PPHLN1: variants seen among roughly 807,000 people sequenced by gnomAD.
PPHLN1 encodes periphilin 1.
A neutral mutation model predicts 51.3 loss-of-function variants in PPHLN1; 29 were observed. The observed-to-expected ratio is 0.57, with a 90% CI of 0.42 to 0.77. PPHLN1 has a LOEUF of 0.77. Ranked by LOEUF, PPHLN1 falls within the 30% of genes least tolerant of loss-of-function variation. PPHLN1 has a pLI of 0.00. For synonymous variants in PPHLN1, 147 were observed against 147.8 expected, an observed-to-expected ratio of 0.99 and a Z score of 0.04; for missense variants, 436 against 438.4, an observed-to-expected ratio of 0.99 and a Z score of 0.05.
intron 9 of PPHLN1, among the ~76,000 whole-genome samples, chr12:42,416,246 A>C (rs1565984385): frequency 1.3e-5 from 2 of 152,198 alleles, no homozygotes; most frequent in Non-Finnish European, 2.9e-5. Context: ...TATTGCATTG[A>C]ATTCACAGAG....
intron 8 of PPHLN1, among the ~76,000 whole-genome samples, chr12:42,397,543 G>A (rs1002547193): frequency 6.4e-4 from 83 of 130,064 alleles, no homozygotes; most frequent in African/African-American, 2.2e-3. Context: ...TTTACACATT[G>A]TGTATAGGCC....
chr12:42,419,491 C>T (rs979288944), intron 9 of PPHLN1, among the ~76,000 whole-genome samples: 4 of 152,338 alleles, frequency 2.6e-5, no homozygotes, highest in Admixed American at 1.3e-4. Flanking sequence ...GCCTCAGCTT[C>T]CCAGAGTGCT....
chr12:42,427,006 G>A (rs997379808), intron 9 of PPHLN1, among the ~76,000 whole-genome samples: 24 of 151,706 alleles, frequency 1.6e-4, no homozygotes, highest in African/African-American at 4.6e-4. Flanking sequence ...GGTGGATCTC[G>A]CGCCGTGCAG....
intron 9 of PPHLN1, among the ~76,000 whole-genome samples, chr12:42,412,036 C>T (rs1436666762): frequency 6.6e-6 from 1 of 151,888 alleles, no homozygotes; most frequent in African/African-American, 2.4e-5. Flanking sequence ...GAAACCCCGT[C>T]TCTACTAAAA....
rs183403072 is a variant in PPHLN1, at chr12:42,367,202, T to C, written c.300-7661T>C. 5.3e-5 allele frequency among the ~76,000 whole-genome samples: 8 copies of C among 152,316 alleles called. 1 individual carries two copies. Among genetic ancestry groups the C allele is most frequent in the African/African-American group, 1.9e-4 (8 of 41,578 alleles). On this transcript the variant is annotated intron_variant, in intron 4 of 9. Transcript: ENST00000358314. The stretch of plus-strand genomic sequence containing the variant: ...CCGTAAATGAGAAAGGGTATCTTGA[T>C]GTTTATTACTGTTTAATTTTCCTTC...
At position 42,387,447 on chromosome 12, in the gene PPHLN1, C is replaced by G; in HGVS notation, c.569-9C>G. 6.3e-7 allele frequency: 1 copy of G among 1,592,914 alleles called. No individual in the cohort carries two copies. The highest frequency in any genetic ancestry group is 1.8e-5 in the Admixed American group (1 of 55,290). On this transcript the variant is annotated splice_polypyrimidine_tract_variant and intron_variant, in intron 6 of 9. Transcript: ENST00000358314. ...GAAAAAAAATTACATCTTATGTTTT[C>G]TTATATAGATAAAGAGAGGCCTGTC...
intron 4 of PPHLN1, among the ~76,000 whole-genome samples, chr12:42,360,458 CTTTTTTTT>C (rs71084642): frequency 7.3e-4 from 41 of 56,290 alleles, no homozygotes; most frequent in African/African-American, 1.1e-3. Flanking sequence ...ATGCTGAATT[CTTTTTTTT>C]TTTTTTTTTT....
At chr12:42,407,473 C>T (rs991935745) in intron 9 of PPHLN1, among the ~76,000 whole-genome samples, 2 of 152,218 alleles carry the variant, frequency 1.3e-5, no homozygotes, top group African/African-American at 4.8e-5. Context: ...TTAATGCTTT[C>T]ATTGGTTTAG....
intron 9 of PPHLN1, among the ~76,000 whole-genome samples, chr12:42,409,300 A>G (rs2079596922): frequency 2.0e-5 from 3 of 152,148 alleles, no homozygotes; most frequent in South Asian, 4.1e-4. Context: ...GTTTCTTAGT[A>G]GAAGTCAAAG....
At chr12:42,403,119 C>T (rs1457252883) in intron 9 of PPHLN1, among the ~76,000 whole-genome samples, 2 of 152,126 alleles carry the variant, frequency 1.3e-5, no homozygotes, top group African/African-American at 4.8e-5. Context: ...GTTGTAGGTT[C>T]AAGATCTAAG....
intron 5 of PPHLN1, among the ~76,000 whole-genome samples, chr12:42,378,585 C>T (rs1592557323): frequency 6.9e-6 from 1 of 144,792 alleles, no homozygotes; most frequent in African/African-American, 2.7e-5. Flanking sequence ...AATAATTATG[C>T]CCTCATTAAA....
intron 9 of PPHLN1, among the ~76,000 whole-genome samples, chr12:42,428,240 C>T (rs1254447940): frequency 2.0e-5 from 3 of 152,148 alleles, no homozygotes; most frequent in Non-Finnish European, 4.4e-5. Context: ...ACCATTTGAT[C>T]CAGCAATCCC....
intron 9 of PPHLN1, among the ~76,000 whole-genome samples, chr12:42,427,888 A>G (rs1338900721): frequency 6.6e-6 from 1 of 152,232 alleles, no homozygotes; most frequent in Non-Finnish European, 1.5e-5. Flanking sequence ...CCCAGAATCT[A>G]TAACGAACTC....
chr12:42,394,057 G>A (rs1480191411), intron 8 of PPHLN1, among the ~76,000 whole-genome samples: 6 of 152,076 alleles, frequency 3.9e-5, no homozygotes, highest in Non-Finnish European at 7.4e-5. Context: ...ACCTTGGATT[G>A]TGGACCATAT....
intron 4 of PPHLN1, among the ~76,000 whole-genome samples, chr12:42,371,637 A>G (rs1192061857): frequency 1.3e-5 from 2 of 152,212 alleles, no homozygotes; most frequent in East Asian, 3.9e-4. Flanking sequence ...ATGCTGTCCA[A>G]TATGGGAGCT....
At chr12:42,343,821 G>A (rs1424308951) in intron 2 of PPHLN1, 5 of 423,238 alleles carry the variant, frequency 1.2e-5, no homozygotes, top group Admixed American at 5.7e-5. Context: ...TCTCTGGGTC[G>A]ATACCAGTTT....
At chr12:42,387,348 T>C (rs755370351) in intron 6 of PPHLN1, 108 bp from the exon 7 acceptor site, 33 of 1,193,926 alleles carry the variant, frequency 2.8e-5, no homozygotes, top group Non-Finnish European at 3.3e-5. Context: ...ATGAAAAGTT[T>C]TAGTACTAAA....
intron 2 of PPHLN1, among the ~76,000 whole-genome samples, chr12:42,344,778 G>A (rs547829517): frequency 7.6e-5 from 11 of 144,234 alleles, no homozygotes; most frequent in African/African-American, 2.6e-4. Context: ...GCATAATCTC[G>A]GCTCACTGCA....
At chr12:42,326,783 C>T (rs1357197588) in intron 1 of PPHLN1, among the ~76,000 whole-genome samples, 1 of 152,136 alleles carries the variant, frequency 6.6e-6, no homozygotes, top group African/African-American at 2.4e-5. Flanking sequence ...CCATAACATG[C>T]CCACCATTCC....
Sources: gnomAD v4.1 joint callset for allele counts (sites outside exome capture counted in the v4.1 genomes callset) on GRCh38, gnomAD v4.1.1 for gene constraint, MANE v1.5 for transcripts, NCBI Gene and HGNC (gene_info 2026-07-23, HGNC 2026-07-21) for gene names.